The following SLC71A1 variants were observed in gnomAD, a reference collection of about 807,000 sequenced individuals.
The protein encoded by SLC71A1 is hippocampus abundant gene transcript 1.
chr1:100,071,289 C>CAAAAAAAA, the SLC71A1 span, among the ~76,000 whole-genome samples: 94 of 53,374 alleles, frequency 1.8e-3, 1 homozygote, highest in African/African-American at 4.0e-3. Context: ...CCATCTCTAC[C>CAAAAAAAA]AAAAAAAAAA....
At chr1:100,038,217 A>G in the SLC71A1 span, 7 of 1,551,728 alleles carry the variant, frequency 4.5e-6, no homozygotes, top group Admixed American at 1.2e-4. Flanking sequence ...CAGCGCCAGG[A>G]ATCGAGGATG....
chr1:100,078,304 C>T, the SLC71A1 span: 8 of 567,590 alleles, frequency 1.4e-5, no homozygotes, highest in African/African-American at 7.6e-5. Context: ...GATTGTTAAG[C>T]GACTTGCCCA....
chr1:100,067,949 A>T, the SLC71A1 span: 17 of 1,595,268 alleles, frequency 1.1e-5, no homozygotes, highest in Non-Finnish European at 1.5e-5. Flanking sequence ...AGCCTGACTA[A>T]TCTCTGTCTA....
the SLC71A1 span, among the ~76,000 whole-genome samples, chr1:100,041,816 C>T: frequency 2.6e-5 from 4 of 151,716 alleles, no homozygotes; most frequent in Non-Finnish European, 5.9e-5. Context: ...CCCAGCTACC[C>T]GGGAGGCCGA....
At chr1:100,054,521 T>G in the SLC71A1 span, among the ~76,000 whole-genome samples, 3 of 152,096 alleles carry the variant, frequency 2.0e-5, no homozygotes, top group African/African-American at 7.2e-5. Flanking sequence ...GGCTTTACCC[T>G]TTTGACAGAC....
the SLC71A1 span, among the ~76,000 whole-genome samples, chr1:100,042,612 T>A: frequency 6.6e-6 from 1 of 151,922 alleles, no homozygotes; most frequent in African/African-American, 2.4e-5. Flanking sequence ...TTCTTTCTTT[T>A]TTTTTTTCTT....
At chr1:100,045,423 C>T in the SLC71A1 span, among the ~76,000 whole-genome samples, 5 of 152,142 alleles carry the variant, frequency 3.3e-5, no homozygotes, top group Non-Finnish European at 7.4e-5. Context: ...TCTAGGTATA[C>T]AGTCATATCA....
the SLC71A1 span, among the ~76,000 whole-genome samples, chr1:100,066,861 C>T: frequency 2.0e-5 from 3 of 151,688 alleles, no homozygotes; most frequent in South Asian, 2.1e-4. Flanking sequence ...AGGTGGCGGG[C>T]GCCTGTAGTC....
At chr1:100,082,368 G>C in the SLC71A1 span, 5 of 607,616 alleles carry the variant, frequency 8.2e-6, 1 homozygote, top group African/African-American at 9.3e-5. Context: ...TGGGAACTTA[G>C]AACCAGACAG....
At chr1:100,048,762 C>T in the SLC71A1 span, among the ~76,000 whole-genome samples, 1 of 152,210 alleles carries the variant, frequency 6.6e-6, no homozygotes, top group East Asian at 1.9e-4. Flanking sequence ...ATCTCATCTA[C>T]TCTGGTGGTT....
At chr1:100,075,759 G>T in the SLC71A1 span, among the ~76,000 whole-genome samples, 2 of 152,136 alleles carry the variant, frequency 1.3e-5, no homozygotes, top group South Asian at 2.1e-4. Flanking sequence ...GCTTACTGCA[G>T]CCTCGACCTC....
the SLC71A1 span, chr1:100,062,013 T>C: frequency 2.0e-6 from 2 of 990,206 alleles, no homozygotes; most frequent in East Asian, 2.5e-5. Flanking sequence ...AAGATAAATA[T>C]TATTATAAGG....
chr1:100,041,673 C>T, the SLC71A1 span, among the ~76,000 whole-genome samples: 1 of 152,148 alleles, frequency 6.6e-6, no homozygotes, highest in Non-Finnish European at 1.5e-5. Context: ...CCTGTAATCC[C>T]AGCACTTTGG....
the SLC71A1 span, chr1:100,083,189 A>T: frequency 2.6e-5 from 4 of 152,494 alleles, no homozygotes; most frequent in African/African-American, 9.7e-5. Flanking sequence ...TATATTATTT[A>T]AAAAAGTGTT....
chr1:100,068,691 A>C, the SLC71A1 span: 7 of 736,644 alleles, frequency 9.5e-6, 1 homozygote, highest in South Asian at 7.0e-5. Flanking sequence ...TTTAAAAATG[A>C]ATATCATTGG....
the SLC71A1 span, chr1:100,079,875 C>CA: frequency 2.6e-4 from 39 of 148,144 alleles, no homozygotes; most frequent in East Asian, 3.9e-4. Flanking sequence ...AACTCCGTCT[C>CA]AAAAAAAAAA....
At chr1:100,068,579 T>G in the SLC71A1 span, 2 of 1,574,324 alleles carry the variant, frequency 1.3e-6, no homozygotes, top group Non-Finnish European at 1.7e-6. Context: ...TTTTTATACC[T>G]CAGACAGGTA....
chr1:100,055,095 T>C, the SLC71A1 span, among the ~76,000 whole-genome samples: 4 of 152,246 alleles, frequency 2.6e-5, no homozygotes, highest in Non-Finnish European at 4.4e-5. Flanking sequence ...GAATCATTAG[T>C]GATAAGATCT....
At chr1:100,067,822 C>T in the SLC71A1 span, among the ~76,000 whole-genome samples, 19 of 151,750 alleles carry the variant, frequency 1.3e-4, no homozygotes, top group Admixed American at 1.2e-3. Context: ...CACTCTCGCC[C>T]CCACAAGAAA....
Sources: allele counts gnomAD v4.1 joint callset (sites outside exome capture counted in the v4.1 genomes callset), GRCh38; gene constraint gnomAD v4.1.1; transcripts MANE v1.5; gene names NCBI Gene and HGNC (gene_info 2026-07-23, HGNC 2026-07-21).